The following RIT2 variants were observed in gnomAD, a reference collection of about 807,000 sequenced individuals.
The protein encoded by RIT2 is Ras like without CAAX 2.
A neutral mutation model predicts 23.7 loss-of-function variants in RIT2; 24 were observed. The observed-to-expected ratio is 1.01, with a 90% CI of 0.73 to 1.43. RIT2 has a LOEUF of 1.43. Ranked by LOEUF, RIT2 falls within the 40% of genes most tolerant of loss-of-function variation. The pLI is 0.00. For synonymous variants in RIT2, 107 were observed against 91.1 expected (o/e 1.17, Z -0.99); for missense variants, 236 against 266.9 (o/e 0.88, Z 0.81).
At chr18:42,818,304 T>C (rs541240755) in intron 4 of RIT2, among the ~76,000 whole-genome samples, 49 of 152,188 alleles carry the variant, frequency 3.2e-4, no homozygotes, top group Middle Eastern at 3.4e-3. Flanking sequence ...ACTTCATAAT[T>C]CCACTTTTGC....
At chr18:42,812,317 T>C in intron 4 of RIT2, among the ~76,000 whole-genome samples, 1 of 152,186 alleles carries the variant, frequency 6.6e-6, no homozygotes, top group Non-Finnish European at 1.5e-5. Context: ...CCTCAGCTTG[T>C]GTCTCTTAGT....
At position 42,942,371 on chromosome 18, in the gene RIT2, C is replaced by G. The variant is rs564115250; in HGVS notation, c.235-18608G>C. Among the ~76,000 whole-genome samples the G allele has an allele frequency of 3.9e-5, 6 of 152,208 alleles. No individual in the cohort carries two copies. In the South Asian group the frequency reaches 8.3e-4, roughly 21 times the overall value. The stretch of plus-strand genomic sequence containing the variant: ...GGAGAAGTGGACTCAGTATCGGAAG[C>G]CTCTCTCCACTCAGGAGTCCAGTAT... On this transcript the variant is annotated intron_variant, in intron 3 of 4. Transcript: ENST00000326695.
At position 43,025,199 on chromosome 18, in the gene RIT2, A is replaced by T. The variant is rs1373573059; in HGVS notation, c.160+8612T>A. Among the ~76,000 whole-genome samples the T allele has an allele frequency of 4.6e-5, 7 of 150,656 alleles. No homozygotes were observed. In the East Asian group the frequency reaches 1.4e-3, roughly 30 times the overall value. Reference sequence around the variant, plus strand: ...CTTTCAGCCTGAGTGACAGAGTGAGATTCTGTCTAAAAAAAACAAAACAAA... The same window carrying T: ...CTTTCAGCCTGAGTGACAGAGTGAGTTTCTGTCTAAAAAAAACAAAACAAA... On this transcript the variant is annotated intron_variant, in intron 2 of 4. Transcript: ENST00000326695.
At chr18:42,796,072 A>C (rs575021266) in intron 4 of RIT2, among the ~76,000 whole-genome samples, 2 of 152,266 alleles carry the variant, frequency 1.3e-5, no homozygotes, top group African/African-American at 4.8e-5. Context: ...CAACCCGCTC[A>C]GGTCCTCTTC....
At chr18:42,992,292 C>T (rs1385424204) in intron 2 of RIT2, among the ~76,000 whole-genome samples, 1 of 152,102 alleles carries the variant, frequency 6.6e-6, no homozygotes, top group African/African-American at 2.4e-5. Flanking sequence ...CCCAAATAGC[C>T]AGAAAACAGC....
At chr18:42,825,715 A>G (rs1272725610) in intron 4 of RIT2, among the ~76,000 whole-genome samples, 1 of 151,914 alleles carries the variant, frequency 6.6e-6, no homozygotes, top group Admixed American at 6.6e-5. Context: ...ATGTATGTAT[A>G]TTAATTTACA....
At chr18:42,886,023 A>G (rs1908014464) in intron 4 of RIT2, among the ~76,000 whole-genome samples, 3 of 152,182 alleles carry the variant, frequency 2.0e-5, no homozygotes, top group Admixed American at 6.5e-5. Flanking sequence ...TGATTGTATT[A>G]ATTCAGCAAC....
At chr18:42,773,382 T>C (rs947149097) in intron 4 of RIT2, among the ~76,000 whole-genome samples, 2 of 152,170 alleles carry the variant, frequency 1.3e-5, no homozygotes, top group African/African-American at 4.8e-5. Flanking sequence ...ATATAGGGAA[T>C]ATAAACTGAT....
Position 42,892,867 on chromosome 18 carries a change from C to T in RIT2, c.426+30705G>A, listed in dbSNP as rs1012477715. Among the ~76,000 whole-genome samples the T allele has an allele frequency of 5.3e-5, 8 of 152,122 alleles. No individual in the cohort carries two copies. The South Asian group carries it at 6.2e-4, about 12-fold the overall frequency. On this transcript the variant is annotated intron_variant, in intron 4 of 4. Transcript: ENST00000326695. ...TAGCAGTTCTCTGGATGGTCCATTT[C>T]CAAAGTGGTCTGAGTTAGGTCTACT... is the stretch of plus-strand genomic sequence containing the variant.
chr18:43,029,965 T>C (rs1450075644), intron 2 of RIT2, among the ~76,000 whole-genome samples: 2 of 152,064 alleles, frequency 1.3e-5, no homozygotes, highest in East Asian at 3.9e-4. Context: ...CTAAAGTTAC[T>C]ATAGCAATAT....
intron 1 of RIT2, among the ~76,000 whole-genome samples, chr18:43,087,366 T>A (rs1217414849): frequency 6.6e-6 from 1 of 152,170 alleles, no homozygotes; most frequent in African/African-American, 2.4e-5. Flanking sequence ...AATATGTCCT[T>A]ACTAACAGGC....
rs11393575 is a variant in RIT2 at position 43,057,798 on chromosome 18, C to CTTTTTTTTTTTTTTTTTTTTTT, written c.104-23932_104-23931insAAAAAAAAAAAAAAAAAAAAAA. Among the ~76,000 whole-genome samples, 254 of 122,526 alleles carry CTTTTTTTTTTTTTTTTTTTTTT rather than the reference C, an allele frequency of 2.1e-3. 17 individuals carry two copies. The highest frequency in any genetic ancestry group is 4.9e-3 in the East Asian group (20 of 4,074). 80.4% of individuals were successfully genotyped at this position (122,526 alleles called of 152,430 possible). On this transcript the variant is annotated intron_variant, in intron 1 of 4. Coordinates refer to ENST00000326695, the MANE Select transcript of RIT2 (RefSeq NM_002930.4). ...GAGCTAATCTTCCAAGTGATGGACACTTTTTTTTTTTTTTTTTATCATCTA... is the reference window on the plus strand; with the variant it reads ...GAGCTAATCTTCCAAGTGATGGACACTTTTTTTTTTTTTTTTTTTTTTTTTTTTTTTTTTTTTTTATCATCTA...
At chr18:43,090,034 C>T (rs765695943) in intron 1 of RIT2, among the ~76,000 whole-genome samples, 5 of 152,048 alleles carry the variant, frequency 3.3e-5, no homozygotes, top group African/African-American at 7.2e-5. Context: ...CAAAAATTGA[C>T]AAGTGGAATC....
At chr18:42,906,209 T>C (rs908254271) in intron 4 of RIT2, among the ~76,000 whole-genome samples, 3 of 151,900 alleles carry the variant, frequency 2.0e-5, no homozygotes, top group East Asian at 1.9e-4. Context: ...CCAAGACATA[T>C]GCAATTATAT....
chr18:43,094,135 T>TG (rs77942939), intron 1 of RIT2, among the ~76,000 whole-genome samples: 36,882 of 145,490 alleles, frequency 0.25, 4,925 homozygotes, highest in East Asian at 0.37. Flanking sequence ...TTTTTTTTTT[T>TG]TTTTTCACTT....
intron 3 of RIT2, among the ~76,000 whole-genome samples, chr18:42,935,487 G>A (rs567539687): frequency 5.9e-5 from 9 of 152,176 alleles, no homozygotes; most frequent in African/African-American, 2.2e-4. Context: ...ACGAAGCTCT[G>A]GACTCACCCA....
At chr18:43,075,610 T>G (rs912408483) in intron 1 of RIT2, among the ~76,000 whole-genome samples, 1 of 152,230 alleles carries the variant, frequency 6.6e-6, no homozygotes, top group Non-Finnish European at 1.5e-5. Flanking sequence ...GAAGTTCCTG[T>G]GATTTTTTCT....
chr18:42,937,403 T>C (rs1318286241), intron 3 of RIT2, among the ~76,000 whole-genome samples: 1 of 152,136 alleles, frequency 6.6e-6, no homozygotes, highest in Non-Finnish European at 1.5e-5. Flanking sequence ...AGGAGAGTAC[T>C]CTATTATCCA....
intron 4 of RIT2, among the ~76,000 whole-genome samples, chr18:42,748,116 G>A (rs987128967): frequency 6.6e-6 from 1 of 151,960 alleles, no homozygotes; most frequent in Non-Finnish European, 1.5e-5. Flanking sequence ...CACAGAGTGG[G>A]AGAAAATCTT....
Sources: gnomAD v4.1 joint callset for allele counts (sites outside exome capture counted in the v4.1 genomes callset) on GRCh38, gnomAD v4.1.1 for gene constraint, MANE v1.5 for transcripts, NCBI Gene and HGNC (gene_info 2026-07-23, HGNC 2026-07-21) for gene names.